The following SUCLG2 variants were observed in gnomAD, a reference collection of about 807,000 sequenced individuals.
SUCLG2 encodes succinate--CoA ligase [GDP-forming] subunit beta, mitochondrial.
A neutral mutation model predicts 47.9 loss-of-function variants in SUCLG2; 42 were observed. That is an observed-to-expected ratio of 0.88 (90% CI 0.69 to 1.14). The LOEUF is 1.14. SUCLG2 is among the 50% of genes most tolerant of loss of function. The pLI is 0.00. For missense variants in SUCLG2, 571 were observed against 525.9 expected (o/e 1.09, Z -0.84); for synonymous variants, 195 against 197.3 (o/e 0.99, Z 0.10).
intron 2 of SUCLG2, among the ~76,000 whole-genome samples, chr3:67,543,876 T>C (rs890101787): frequency 1.3e-5 from 2 of 152,224 alleles, no homozygotes; most frequent in African/African-American, 4.8e-5. Context: ...ATTTAAATAC[T>C]CATTTCTGTA....
chr3:67,420,959 T>C (rs1703143776), intron 9 of SUCLG2, among the ~76,000 whole-genome samples: 1 of 152,196 alleles, frequency 6.6e-6, no homozygotes, highest in Non-Finnish European at 1.5e-5. Context: ...CAGATAAACA[T>C]GTAATATCTA....
intron 2 of SUCLG2, 65 bp downstream of exon 2, chr3:67,609,390 G>T (rs1575813822): frequency 1.3e-6 from 2 of 1,543,458 alleles, no homozygotes; most frequent in African/African-American, 2.8e-5. Flanking sequence ...TAACTAGTGG[G>T]AAGCCACTAC....
In SUCLG2 at chr3:67,541,963, G is replaced by C. The variant is rs1177933582; in HGVS notation, c.227-12777C>G. Among the ~76,000 whole-genome samples the C allele has an allele frequency of 2.0e-5, 3 of 151,902 alleles. No homozygotes were observed. The East Asian group carries it at 5.8e-4, about 29-fold the overall frequency. The stretch of plus-strand genomic sequence containing the variant: ...GGCTCGCTGCAACCTCCTCCTCCTG[G>C]GTTCAAGCAGTTCTCCTGCCTCAGC... On this transcript the variant is annotated intron_variant, in intron 2 of 10. Coordinates refer to ENST00000307227, the MANE Select transcript of SUCLG2 (RefSeq NM_003848.4).
Position 67,450,245 on chromosome 3 carries a change from A to T in SUCLG2, c.1062+45553T>A, listed in dbSNP as rs560828881. On this transcript the variant is annotated intron_variant, in intron 9 of 10. Transcript: ENST00000307227. ...TTTTTTGAGATGAGGTTTTGCTATGATTCCCAGGCTGATCTCGAACACCTG... is the reference window on the plus strand; with the variant it reads ...TTTTTTGAGATGAGGTTTTGCTATGTTTCCCAGGCTGATCTCGAACACCTG... Among the ~76,000 whole-genome samples the T allele has an allele frequency of 1.6e-4, 25 of 152,210 alleles. 1 individual carries two copies. In the South Asian group the frequency reaches 4.8e-3, roughly 29 times the overall value.
intron 10 of SUCLG2, among the ~76,000 whole-genome samples, chr3:67,393,201 G>A (rs1465195181): frequency 6.6e-6 from 1 of 152,252 alleles, no homozygotes; most frequent in East Asian, 1.9e-4. Context: ...CCATGCACGA[G>A]CCAAAGCAGG....
intron 2 of SUCLG2, among the ~76,000 whole-genome samples, chr3:67,582,391 G>C (rs1360935910): frequency 6.6e-6 from 1 of 152,160 alleles, no homozygotes; most frequent in Non-Finnish European, 1.5e-5. Context: ...CCTTAGGATA[G>C]TTTGCTTAGG....
intron 2 of SUCLG2, 77 bp downstream of exon 2, chr3:67,609,378 A>G: frequency 6.6e-7 from 1 of 1,516,426 alleles, no homozygotes; most frequent in Non-Finnish European, 8.9e-7. Context: ...AACAAAAAAA[A>G]TTAACTAGTG....
At chr3:67,495,451 G>T (rs145419061) in intron 9 of SUCLG2, among the ~76,000 whole-genome samples, 1 of 152,148 alleles carries the variant, frequency 6.6e-6, no homozygotes, top group Non-Finnish European at 1.5e-5. Context: ...TAGGGAGTTT[G>T]AGACCAGCCT....
chr3:67,601,534 G>GTT (rs1485256928), intron 2 of SUCLG2, among the ~76,000 whole-genome samples: 2 of 152,098 alleles, frequency 1.3e-5, no homozygotes, highest in Non-Finnish European at 2.9e-5. Context: ...AGCCCATAAA[G>GTT]TACCCTCTGA....
intron 9 of SUCLG2, among the ~76,000 whole-genome samples, chr3:67,409,657 T>C (rs916277637): frequency 6.6e-6 from 1 of 151,910 alleles, no homozygotes; most frequent in South Asian, 2.1e-4. Context: ...TCTGTCAACA[T>C]TGCCCCTCCT....
At chr3:67,398,536 G>A (rs1323526491) in intron 10 of SUCLG2, among the ~76,000 whole-genome samples, 1 of 151,900 alleles carries the variant, frequency 6.6e-6, no homozygotes, top group Non-Finnish European at 1.5e-5. Flanking sequence ...TGCTGGAGAG[G>A]ATGTGGAGAA....
At chr3:67,641,882 TG>T (rs1463466789) in intron 1 of SUCLG2, among the ~76,000 whole-genome samples, 4 of 152,328 alleles carry the variant, frequency 2.6e-5, no homozygotes, top group Admixed American at 2.6e-4. Context: ...TAGCTTCCAG[TG>T]GTTCACAGGC....
At position 67,398,701 on chromosome 3, in the gene SUCLG2, G is replaced by A. The variant is rs1185493425; in HGVS notation, c.1183+2030C>T. Among the ~76,000 whole-genome samples the A allele has an allele frequency of 2.0e-5, 3 of 152,096 alleles. No homozygotes were observed. In the South Asian group the frequency reaches 6.2e-4, roughly 32 times the overall value. ...TACCCAAAGGACTATAAATCATGCT[G>A]CTATAAGGACACATGCACACATATG... On this transcript the variant is annotated intron_variant, in intron 10 of 10. Coordinates refer to ENST00000307227, the MANE Select transcript of SUCLG2 (RefSeq NM_003848.4).
intron 1 of SUCLG2, among the ~76,000 whole-genome samples, chr3:67,623,107 G>A (rs1189888829): frequency 6.6e-6 from 1 of 152,068 alleles, no homozygotes; most frequent in Non-Finnish European, 1.5e-5. Context: ...GTATGTATGT[G>A]TATATATATG....
At chr3:67,531,946 CT>C (rs1706416892) in intron 2 of SUCLG2, among the ~76,000 whole-genome samples, 1 of 152,106 alleles carries the variant, frequency 6.6e-6, no homozygotes, top group Non-Finnish European at 1.5e-5. Flanking sequence ...GATCTGATCT[CT>C]CCCAAAACTC....
At chr3:67,394,163 C>T (rs1455151077) in intron 10 of SUCLG2, among the ~76,000 whole-genome samples, 3 of 152,166 alleles carry the variant, frequency 2.0e-5, no homozygotes, top group Admixed American at 2.0e-4. Context: ...CAGAACAAAG[C>T]TGGACGGAGA....
At chr3:67,628,365 A>T (rs764210203) in intron 1 of SUCLG2, among the ~76,000 whole-genome samples, 1 of 152,184 alleles carries the variant, frequency 6.6e-6, no homozygotes, top group Non-Finnish European at 1.5e-5. Context: ...AGGTAGATTT[A>T]CCCCTATATG....
chr3:67,621,784 C>A (rs1700741206), intron 1 of SUCLG2, among the ~76,000 whole-genome samples: 1 of 152,164 alleles, frequency 6.6e-6, no homozygotes, highest in Middle Eastern at 3.2e-3. Context: ...GCCCTTTGAC[C>A]TTGGACTCCT....
intron 7 of SUCLG2, 70 bp downstream of exon 7, chr3:67,508,737 G>C (rs533068283): frequency 1.7e-6 from 2 of 1,185,296 alleles, no homozygotes; most frequent in African/African-American, 1.6e-5. Context: ...ACAGTCTTTT[G>C]TGCAATTTAT....
Sources: allele counts gnomAD v4.1 joint callset (sites outside exome capture counted in the v4.1 genomes callset), GRCh38; gene constraint gnomAD v4.1.1; transcripts MANE v1.5; gene names NCBI Gene and HGNC (gene_info 2026-07-23, HGNC 2026-07-21).